WDR45B: variants seen among roughly 807,000 people sequenced by gnomAD.
WDR45B encodes WD repeat domain 45B.
Under a neutral mutation model 44.6 loss-of-function variants are expected in WDR45B, and 20 were observed. That is an observed-to-expected ratio of 0.45 (90% confidence interval 0.32 to 0.65). The LOEUF is 0.65. Ranked by LOEUF, WDR45B falls within the 30% of genes least tolerant of loss-of-function variation. The pLI, the probability that WDR45B is intolerant of heterozygous loss-of-function variation, is 0.05. For missense variants in WDR45B, 323 were observed against 430.2 expected (o/e 0.75, Z 2.20); for synonymous variants, 169 against 164.9 (o/e 1.02, Z -0.19).
intron 1 of WDR45B, 151 bp from the exon 2 acceptor site, chr17:82,644,174 C>G (rs11649788): frequency 0.24 from 177,471 of 732,798 alleles, 22,995 homozygotes; most frequent in Admixed American, 0.33. Flanking sequence ...TGTCCTTGTA[C>G]AAATGTTACT....
Position 82,615,325 on chromosome 17 carries a change from C to G in WDR45B, c.*594G>C, listed in dbSNP as rs760144790. On this transcript the variant is annotated 3_prime_UTR_variant, in exon 10 of 10. Coordinates refer to ENST00000392325, the MANE Select transcript of WDR45B (RefSeq NM_019613.4). ...GGCACAGATGACCACGTTGCGGGTA[C>G]GGAGAAGACCACAGGCTGGGCTCAC... 1 of 161,854 alleles carries G rather than the reference C, an allele frequency of 6.2e-6. No individual in the cohort carries two copies. Among genetic ancestry groups the G allele is most frequent in the African/African-American group, 2.4e-5 (1 of 41,448 alleles). The allele number at this position is 161,854 out of a possible 1,614,324, so 10.0% of individuals were successfully genotyped here.
intron 2 of WDR45B, among the ~76,000 whole-genome samples, chr17:82,632,853 TC>T (rs549249983): frequency 3.3e-4 from 50 of 151,870 alleles, no homozygotes; most frequent in African/African-American, 1.2e-3. Context: ...CATAAGGAAA[TC>T]CCTTCTCTAC....
intron 2 of WDR45B, among the ~76,000 whole-genome samples, chr17:82,639,944 G>A (rs1390981153): frequency 1.3e-5 from 2 of 151,082 alleles, no homozygotes; most frequent in South Asian, 2.1e-4. Context: ...TGTGTGTGTC[G>A]GGTCAGGTGG....
rs146790515 is a variant in WDR45B at position 82,637,365 on chromosome 17, C to G, written c.143-6343G>C. The stretch of plus-strand genomic sequence containing the variant: ...CAGTCCTTGTGGTACAGAGAAAAAC[C>G]CTCTCCTCTAATCATGGTCTCTATT... On this transcript the variant is annotated intron_variant, in intron 2 of 9. Transcript: ENST00000392325. Among the ~76,000 whole-genome samples the G allele has an allele frequency of 8.5e-4, 129 of 151,914 alleles. 1 individual carries two copies. Among genetic ancestry groups the G allele is most frequent in the Non-Finnish European group, 1.6e-3 (109 of 67,988 alleles).
intron 2 of WDR45B, among the ~76,000 whole-genome samples, chr17:82,640,896 G>A (rs1236589747): frequency 1.3e-5 from 2 of 151,878 alleles, no homozygotes; most frequent in Non-Finnish European, 2.9e-5. Context: ...CCGGGTATAT[G>A]TGTGTGATGA....
chr17:82,615,565 T>C lies in WDR45B; in HGVS notation c.*354A>G. 2.9e-6 allele frequency: 1 copy of C among 347,940 alleles called. No individual in the cohort carries two copies. The highest frequency in any genetic ancestry group is 9.4e-4 in the Middle Eastern group (1 of 1,064). The allele number at this position is 347,940 out of a possible 1,614,324, so 21.6% of individuals were successfully genotyped here. A position where few individuals can be genotyped will look rare whatever the true frequency, so the allele number is the denominator to read the frequency against. ...ACGGAATCTGCTGCAAAAACAAACC[T>C]GAACTCGTCCACCCTCTCAGCCCAG... On this transcript the variant is annotated 3_prime_UTR_variant, in exon 10 of 10. Coordinates refer to ENST00000392325, the MANE Select transcript of WDR45B (RefSeq NM_019613.4).
Position 82,615,836 on chromosome 17 carries a change from C to A in WDR45B, c.*83G>T. 1 of 1,353,744 alleles carries A rather than the reference C, an allele frequency of 7.4e-7. No homozygotes were observed. The highest frequency in any genetic ancestry group is 1.1e-6 in the Non-Finnish European group (1 of 947,190). 83.9% of individuals were successfully genotyped at this position (1,353,744 alleles called of 1,614,324 possible). On this transcript the variant is annotated 3_prime_UTR_variant, in exon 10 of 10. Coordinates refer to ENST00000392325, the MANE Select transcript of WDR45B (RefSeq NM_019613.4). ...CTGGGCAGCCCCTCCAGCCCGTGGCCCAGGAGGCCCCTGGGGCACTGGCAC... is the reference window on the plus strand; with the variant it reads ...CTGGGCAGCCCCTCCAGCCCGTGGCACAGGAGGCCCCTGGGGCACTGGCAC...
chr17:82,621,936 A>G, intron 5 of WDR45B, 137 bp from the exon 6 acceptor site: 1 of 1,062,140 alleles, frequency 9.4e-7, no homozygotes, highest in Non-Finnish European at 1.4e-6. Context: ...TTCAATTTAA[A>G]GATTTTTCAT....
chr17:82,621,296 C>T (rs925562450), intron 6 of WDR45B, among the ~76,000 whole-genome samples: 3 of 152,126 alleles, frequency 2.0e-5, no homozygotes, highest in East Asian at 1.9e-4. Context: ...TCAAGTGATC[C>T]GCCTGCCTTG....
intron 2 of WDR45B, among the ~76,000 whole-genome samples, chr17:82,634,377 A>G (rs1454666131): frequency 1.3e-5 from 2 of 151,520 alleles, no homozygotes; most frequent in Non-Finnish European, 1.5e-5. Context: ...AATCCCAGCT[A>G]CTCGGGAGGC....
chr17:82,617,429 G>C (rs1260704569), intron 7 of WDR45B, 32 bp from the exon 8 acceptor site: 1 of 1,607,344 alleles, frequency 6.2e-7, no homozygotes, highest in Admixed American at 1.7e-5. Context: ...CTCAGGCCTT[G>C]TGTGGATGTG....
chr17:82,628,517 C>T (rs115094143), intron 3 of WDR45B, among the ~76,000 whole-genome samples: 1 of 151,620 alleles, frequency 6.6e-6, no homozygotes, highest in South Asian at 2.1e-4. Context: ...GGTGTGAGAT[C>T]GCTTGAGGCC....
intron 7 of WDR45B, 102 bp downstream of exon 7, chr17:82,618,941 G>T: frequency 9.6e-7 from 1 of 1,045,912 alleles, no homozygotes; most frequent in Non-Finnish European, 1.5e-6. Flanking sequence ...GGCCTTATTC[G>T]GGGGAGGGTG....
chr17:82,645,860 C>T (rs1462740285), intron 1 of WDR45B, among the ~76,000 whole-genome samples: 1 of 152,162 alleles, frequency 6.6e-6, no homozygotes, highest in African/African-American at 2.4e-5. Flanking sequence ...CGGTGGCTCA[C>T]ACCTGTAATC....
intron 4 of WDR45B, chr17:82,625,953 C>T (rs556962088): frequency 2.1e-4 from 44 of 206,974 alleles, no homozygotes; most frequent in Non-Finnish European, 3.8e-4. Flanking sequence ...GGCACAACCT[C>T]AGCTCACTGC....
At chr17:82,632,268 C>T (rs2045777818) in intron 2 of WDR45B, among the ~76,000 whole-genome samples, 1 of 151,906 alleles carries the variant, frequency 6.6e-6, no homozygotes, top group South Asian at 2.1e-4. Context: ...CTCAAGGACT[C>T]CTCCTGCTTC....
At position 82,625,500 on chromosome 17, in the gene WDR45B, G is replaced by T. The variant is rs1300034502; in HGVS notation, c.333-17C>A. 6.2e-7 allele frequency: 1 copy of T among 1,611,856 alleles called. No individual in the cohort carries two copies. The highest frequency in any genetic ancestry group is 1.1e-5 in the South Asian group (1 of 90,994). On this transcript the variant is annotated splice_polypyrimidine_tract_variant and intron_variant, in intron 4 of 9. Coordinates refer to ENST00000392325, the MANE Select transcript of WDR45B (RefSeq NM_019613.4). ...ACCACAATTCTGGAAAGAAAAACAT[G>T]ATCAGAGTTGCTTTCCTCAAGAGTC...
At chr17:82,646,796 A>C (rs2045984056) in intron 1 of WDR45B, among the ~76,000 whole-genome samples, 1 of 152,178 alleles carries the variant, frequency 6.6e-6, no homozygotes, top group Non-Finnish European at 1.5e-5. Context: ...TGAGAAGGCT[A>C]GGCATCTCCC....
At chr17:82,616,046 T>C (rs752812915) in intron 9 of WDR45B, 21 bp from the exon 10 acceptor site, 35 of 1,603,916 alleles carry the variant, frequency 2.2e-5, no homozygotes, top group Non-Finnish European at 2.9e-5. Flanking sequence ...AGGAGACCAT[T>C]TTACCTGTGT....
Sources: gnomAD v4.1 joint callset for allele counts (sites outside exome capture counted in the v4.1 genomes callset) on GRCh38, gnomAD v4.1.1 for gene constraint, MANE v1.5 for transcripts, NCBI Gene and HGNC (gene_info 2026-07-23, HGNC 2026-07-21) for gene names.